SNAP25: variants seen among roughly 807,000 people sequenced by gnomAD.
The protein encoded by SNAP25 is synaptosomal-associated protein 25.
Under a neutral mutation model 28.7 loss-of-function variants are expected in SNAP25, and 3 were observed. That is an observed-to-expected ratio of 0.10 (90% CI 0.05 to 0.27). The LOEUF (loss-of-function observed/expected upper bound fraction) is 0.27, where lower values mean the gene tolerates loss of function less well. Ranked by LOEUF, SNAP25 falls within the 10% of genes least tolerant of loss-of-function variation. The pLI, the probability that SNAP25 is intolerant of heterozygous loss-of-function variation, is 1.00. For missense variants in SNAP25, 117 were observed against 278.7 expected (o/e 0.42, Z 4.13); for synonymous variants, 61 against 88.1 (o/e 0.69, Z 1.72).
At chr20:10,244,270 C>T (rs2063088276) in intron 1 of SNAP25, among the ~76,000 whole-genome samples, 1 of 152,114 alleles carries the variant, frequency 6.6e-6, no homozygotes, top group Non-Finnish European at 1.5e-5. Flanking sequence ...AATAATGCAC[C>T]TCAGTGACAT....
intron 1 of SNAP25, among the ~76,000 whole-genome samples, chr20:10,230,432 G>A (rs1321564822): frequency 6.6e-6 from 1 of 152,138 alleles, no homozygotes; most frequent in Non-Finnish European, 1.5e-5. Flanking sequence ...AAGATCTCAA[G>A]TGCAATGACC....
chr20:10,302,507 T>C (rs1251121402), intron 7 of SNAP25, among the ~76,000 whole-genome samples: 1 of 152,184 alleles, frequency 6.6e-6, no homozygotes, highest in Non-Finnish European at 1.5e-5. Flanking sequence ...TCACCTGGCA[T>C]GGTCTGAAGT....
chr20:10,262,564 C>T (rs868721625), intron 1 of SNAP25, among the ~76,000 whole-genome samples: 2 of 149,636 alleles, frequency 1.3e-5, no homozygotes, highest in African/African-American at 2.5e-5. Context: ...AAGTACATGG[C>T]GTCCAGCTAT....
intron 1 of SNAP25, among the ~76,000 whole-genome samples, chr20:10,264,198 C>T (rs182048904): frequency 4.1e-4 from 62 of 152,162 alleles, no homozygotes; most frequent in Non-Finnish European, 8.1e-4. Context: ...AAGCAGAGGC[C>T]GCTTTTCACG....
chr20:10,277,515 T>G (rs1568611092), intron 2 of SNAP25, among the ~76,000 whole-genome samples, 170 bp from the exon 3 acceptor site: 1 of 152,336 alleles, frequency 6.6e-6, no homozygotes, highest in African/African-American at 2.4e-5. Context: ...AAAAGCCTGA[T>G]AGGAAAGAGT....
Position 10,299,222 on chromosome 20 carries a change from A to G in SNAP25, c.408-46A>G. On this transcript the variant is annotated intron_variant, in intron 6 of 7. Coordinates refer to ENST00000254976, the MANE Select transcript of SNAP25 (RefSeq NM_130811.4). ...ATGCTTTGGGTCCTTGGTATTCAAT[A>G]TGTTTTCCACCCTCTGTCTTCTAAA... The G allele has an allele frequency of 2.5e-6, 4 of 1,601,320 alleles. No individual in the cohort carries two copies. The South Asian group carries it at 4.5e-5, about 18-fold the overall frequency.
chr20:10,257,939 T>C (rs1378006534), intron 1 of SNAP25, among the ~76,000 whole-genome samples: 1 of 147,546 alleles, frequency 6.8e-6, no homozygotes, highest in Non-Finnish European at 1.5e-5. Flanking sequence ...TTTCATAGAA[T>C]AGTGCCCAAG....
chr20:10,264,159 C>A (rs537467089), intron 1 of SNAP25, among the ~76,000 whole-genome samples: 8 of 152,138 alleles, frequency 5.3e-5, no homozygotes, highest in African/African-American at 1.9e-4. Context: ...CAGGCCTCCC[C>A]AGACCCAGCA....
intron 7 of SNAP25, among the ~76,000 whole-genome samples, chr20:10,300,263 C>T (rs572570784): frequency 3.9e-5 from 6 of 152,134 alleles, no homozygotes; most frequent in Non-Finnish European, 7.3e-5. Context: ...AGACCTAGGG[C>T]ACCAAAACCT....
At chr20:10,278,454 G>C (rs2063727391) in intron 3 of SNAP25, among the ~76,000 whole-genome samples, 1 of 152,154 alleles carries the variant, frequency 6.6e-6, no homozygotes, top group African/African-American at 2.4e-5. Context: ...CAGTCGGCCA[G>C]GCAAAATAAA....
chr20:10,267,415 G>T lies in SNAP25; in HGVS notation c.-63-8014G>T, dbSNP rs543443123. 3.3e-5 allele frequency among the ~76,000 whole-genome samples: 5 copies of T among 152,316 alleles called. No homozygotes were observed. The South Asian group carries it at 1.0e-3, about 32-fold the overall frequency. ...GAGGGTGGGAGGTGTGGAAGAATCA[G>T]TGATTTAAAATATAGGTAGAGATGA... On this transcript the variant is annotated intron_variant, in intron 1 of 7. Coordinates refer to ENST00000254976, the MANE Select transcript of SNAP25 (RefSeq NM_130811.4).
chr20:10,301,708 G>A (rs2064240587), intron 7 of SNAP25, among the ~76,000 whole-genome samples: 1 of 151,704 alleles, frequency 6.6e-6, no homozygotes, highest in South Asian at 2.1e-4. Flanking sequence ...TCATCACTTG[G>A]ATCAATAGTG....
At chr20:10,248,828 A>G (rs1218072182) in intron 1 of SNAP25, among the ~76,000 whole-genome samples, 1 of 152,254 alleles carries the variant, frequency 6.6e-6, no homozygotes, top group Admixed American at 6.5e-5. Context: ...TTTGCTGAGC[A>G]TCATTTCCAG....
chr20:10,238,905 AAATAAT>A (rs199598399), intron 1 of SNAP25, among the ~76,000 whole-genome samples: 6 of 149,344 alleles, frequency 4.0e-5, no homozygotes, highest in Admixed American at 1.3e-4. Flanking sequence ...ACTCCGTTTC[AAATAAT>A]AATAATAATA....
chr20:10,260,966 A>T (rs1474686890), intron 1 of SNAP25, among the ~76,000 whole-genome samples: 1 of 152,222 alleles, frequency 6.6e-6, no homozygotes, highest in Non-Finnish European at 1.5e-5. Flanking sequence ...TGCCTATCCT[A>T]GAAGTCTGTA....
intron 1 of SNAP25, among the ~76,000 whole-genome samples, chr20:10,231,007 T>G (rs2062820237): frequency 6.6e-6 from 1 of 152,084 alleles, no homozygotes; most frequent in Non-Finnish European, 1.5e-5. Flanking sequence ...TCTCATCAAA[T>G]AATAGGACAT....
chr20:10,273,505 A>G lies in SNAP25; in HGVS notation c.-63-1924A>G, dbSNP rs114800432. On this transcript the variant is annotated intron_variant, in intron 1 of 7. Transcript: ENST00000254976. Reference sequence around the variant, plus strand: ...GAGTCATTTTTCTCCATGCAGGGATATGGAGGGCCCAAGTTCCTTCTGTCT... The same window carrying G: ...GAGTCATTTTTCTCCATGCAGGGATGTGGAGGGCCCAAGTTCCTTCTGTCT... Among the ~76,000 whole-genome samples the G allele has an allele frequency of 8.6e-3, 1,316 of 152,284 alleles. 13 individuals carry two copies. The highest frequency in any genetic ancestry group is 0.03 in the African/African-American group (1,228 of 41,538).
rs1415058260 is a variant in SNAP25, at chr20:10,277,715, C to A, written c.103C>A (p.Leu35Met). The A allele has an allele frequency of 2.5e-6, 4 of 1,613,664 alleles. No homozygotes were observed. In the African/African-American group the frequency reaches 5.3e-5, roughly 22 times the overall value. ...GGAAAGCACCCGTCGTATGCTGCAA[C>A]TGGTTGAAGAGGTAAGAAGTGACAG... is the stretch of plus-strand genomic sequence containing the variant. ...SLESTRRMLQ[L>M]VEESKDAGIR... is the part of the protein sequence containing the mutation. The change falls in exon 3 of 8, where the codon CTG becomes ATG. Residue 35 changes from leucine (L) to methionine (M), a missense_variant. Physicochemically the swap from Leu to Met is conservative, Grantham distance 15. Transcript: ENST00000254976.
intron 1 of SNAP25, among the ~76,000 whole-genome samples, chr20:10,272,366 C>T (rs1352821090): frequency 2.0e-5 from 3 of 152,200 alleles, no homozygotes; most frequent in Non-Finnish European, 2.9e-5. Context: ...CCAGAGCCAG[C>T]GGTCCAGCTG....
Sources: allele counts gnomAD v4.1 joint callset (sites outside exome capture counted in the v4.1 genomes callset), GRCh38; gene constraint gnomAD v4.1.1; transcripts MANE v1.5; gene names NCBI Gene and HGNC (gene_info 2026-07-23, HGNC 2026-07-21).